AVEN: variants seen among roughly 807,000 people sequenced by gnomAD.
The protein encoded by AVEN is cell death regulator Aven.
AVEN carries 41 observed loss-of-function variants against 38.1 expected under a neutral mutation model. The ratio of observed to expected loss-of-function variants is 1.08; its 90% confidence interval spans 0.84 to 1.40. The LOEUF is 1.40. Ranked by LOEUF, AVEN falls within the 40% of genes most tolerant of loss-of-function variation. AVEN has a pLI of 0.00. For synonymous variants in AVEN, 206 were observed against 171.8 expected, an observed-to-expected ratio of 1.20 and a Z score of -1.56; for missense variants, 605 against 438.8, an observed-to-expected ratio of 1.38 and a Z score of -3.38.
At chr15:33,887,594 T>C (rs1891756093) in intron 2 of AVEN, among the ~76,000 whole-genome samples, 1 of 152,122 alleles carries the variant, frequency 6.6e-6, no homozygotes, top group African/African-American at 2.4e-5. Flanking sequence ...GTTAATAACA[T>C]AAATATAGAA....
At chr15:33,852,831 G>C in the AVEN span, 2 of 482,068 alleles carry the variant, frequency 4.1e-6, no homozygotes, top group African/African-American at 2.0e-5. Flanking sequence ...GTGGCCTTCT[G>C]AGTGTTTCAA....
chr15:33,875,848 A>G (rs1046412991), intron 3 of AVEN, 77 bp downstream of exon 3: 5 of 1,349,886 alleles, frequency 3.7e-6, no homozygotes, highest in Non-Finnish European at 5.3e-6. Context: ...TGAAGACTCT[A>G]TCTCAAGAAC....
chr15:33,923,016 C>T lies in AVEN; in HGVS notation c.446-47021G>A, dbSNP rs546148888. 2.6e-5 allele frequency among the ~76,000 whole-genome samples: 4 copies of T among 152,210 alleles called. No individual in the cohort carries two copies. The South Asian group carries it at 8.3e-4, about 32-fold the overall frequency. On this transcript the variant is annotated intron_variant, in intron 2 of 5. Coordinates refer to ENST00000306730, the MANE Select transcript of AVEN (RefSeq NM_020371.3). ...TATATATACACTTAATGAATATCAA[C>T]TTAAAATAATACTTTATGAGTTAAC...
intron 1 of AVEN, among the ~76,000 whole-genome samples, chr15:34,032,467 A>G (rs1898900521): frequency 6.6e-6 from 1 of 152,220 alleles, no homozygotes. Context: ...AGAGAGTAAC[A>G]CTATTAAGAA....
downstream of AVEN, chr15:33,854,647 C>G: frequency 7.6e-7 from 1 of 1,319,076 alleles, no homozygotes; most frequent in South Asian, 1.4e-5. Context: ...CAGCTCACAG[C>G]ACCTCAGCAC....
chr15:34,047,141 G>C (rs1899729142), intron 5 of AVEN, among the ~76,000 whole-genome samples: 1 of 150,462 alleles, frequency 6.6e-6, no homozygotes, highest in South Asian at 2.1e-4. Flanking sequence ...GCAGTGACAC[G>C]ATCTCGGCTC....
chr15:34,033,035 A>G (rs1274684988), intron 1 of AVEN, among the ~76,000 whole-genome samples: 1 of 152,162 alleles, frequency 6.6e-6, no homozygotes, highest in Middle Eastern at 3.2e-3. Flanking sequence ...CAACATTCCC[A>G]TCTACCTATT....
intron 2 of AVEN, among the ~76,000 whole-genome samples, chr15:33,983,577 G>A (rs1445721590): frequency 6.6e-6 from 1 of 152,024 alleles, no homozygotes; most frequent in Non-Finnish European, 1.5e-5. Context: ...GAACTTTTAA[G>A]GAAAAACAGT....
intron 2 of AVEN, among the ~76,000 whole-genome samples, chr15:33,985,254 G>T (rs539642079): frequency 6.7e-6 from 1 of 149,578 alleles, no homozygotes; most frequent in African/African-American, 2.5e-5. Flanking sequence ...CTGGCAAAAG[G>T]AGTAGTCAAA....
intron 1 of AVEN, among the ~76,000 whole-genome samples, chr15:34,025,657 C>T (rs1028229182): frequency 1.3e-5 from 2 of 152,106 alleles, no homozygotes; most frequent in African/African-American, 4.8e-5. Flanking sequence ...AGGAAATACA[C>T]ATTGAAGTGT....
At chr15:33,882,561 T>TAAAAA (rs35267268) in intron 2 of AVEN, among the ~76,000 whole-genome samples, 2 of 149,118 alleles carry the variant, frequency 1.3e-5, no homozygotes, top group Non-Finnish European at 3.0e-5. Context: ...GCAAAAATGT[T>TAAAAA]AAAAAAAAAA....
chr15:34,064,511 C>T (rs1900459903), intron 4 of AVEN: 2 of 672,640 alleles, frequency 3.0e-6, no homozygotes, highest in African/African-American at 3.6e-5. Context: ...TATTAAATGA[C>T]TCTTGCCTAT....
intron 1 of AVEN, among the ~76,000 whole-genome samples, chr15:34,006,267 C>T (rs1441208168): frequency 7.3e-5 from 11 of 151,292 alleles, no homozygotes; most frequent in Non-Finnish European, 1.5e-4. Context: ...GTCAAGATCA[C>T]GCCATTGCAA....
chr15:33,881,811 CTTTA>C (rs1281224586), intron 2 of AVEN, among the ~76,000 whole-genome samples: 1 of 152,190 alleles, frequency 6.6e-6, no homozygotes, highest in Non-Finnish European at 1.5e-5. Flanking sequence ...TCCACTCCAG[CTTTA>C]TTTGTTTGCC....
At chr15:33,984,516 C>G (rs568441935) in intron 2 of AVEN, among the ~76,000 whole-genome samples, 11 of 152,082 alleles carry the variant, frequency 7.2e-5, no homozygotes, top group African/African-American at 2.4e-4. Flanking sequence ...AATTCTCCTG[C>G]CTCAGCCTCC....
exon 12 of AVEN, chr15:33,858,823 G>A (rs1205302650): frequency 6.6e-6 from 1 of 152,208 alleles, no homozygotes; most frequent in African/African-American, 2.4e-5. Context: ...AGGGACAGGG[G>A]ACAGTGAAAT....
chr15:33,926,372 T>A (rs866776126), intron 2 of AVEN, among the ~76,000 whole-genome samples: 1 of 152,124 alleles, frequency 6.6e-6, no homozygotes, highest in Non-Finnish European at 1.5e-5. Context: ...CTTGTGAGGA[T>A]TGGGATCACG....
intron 1 of AVEN, among the ~76,000 whole-genome samples, chr15:34,018,620 C>T (rs770414897): frequency 1.3e-5 from 2 of 152,154 alleles, no homozygotes; most frequent in African/African-American, 4.8e-5. Context: ...TGTGCAGCAG[C>T]AAGACTTATT....
At chr15:34,015,742 G>T (rs947437158) in intron 1 of AVEN, among the ~76,000 whole-genome samples, 11 of 151,872 alleles carry the variant, frequency 7.2e-5, no homozygotes, top group African/African-American at 2.7e-4. Flanking sequence ...AATGTTCAAT[G>T]ACACGTCTCA....
Sources: allele counts gnomAD v4.1 joint callset (sites outside exome capture counted in the v4.1 genomes callset), GRCh38; gene constraint gnomAD v4.1.1; transcripts MANE v1.5; gene names NCBI Gene and HGNC (gene_info 2026-07-23, HGNC 2026-07-21).